PIK3CA: variants seen among roughly 807,000 people sequenced by gnomAD.
The protein encoded by PIK3CA is phosphatidylinositol 4,5-bisphosphate 3-kinase catalytic subunit alpha isoform.
Under a neutral mutation model 138.2 loss-of-function variants are expected in PIK3CA, and 27 were observed. That is an observed-to-expected ratio of 0.20 (90% CI 0.14 to 0.27). The LOEUF (loss-of-function observed/expected upper bound fraction) is 0.27, where lower values mean the gene tolerates loss of function less well. PIK3CA is among the 10% of genes least tolerant of loss of function. The probability of loss-of-function intolerance (pLI) is 1.00; values close to 1 mark genes in which losing one functional copy is unlikely to be tolerated. For synonymous variants in PIK3CA, 358 were observed against 413.2 expected (o/e 0.87, Z 1.62); for missense variants, 544 against 1,277.4 (o/e 0.43, Z 8.75).
chr3:179,211,524 G>A (rs113532641), intron 9 of PIK3CA, among the ~76,000 whole-genome samples: 5,187 of 152,204 alleles, frequency 0.034, 97 homozygotes, highest in Non-Finnish European at 0.046. Flanking sequence ...ACAAAAAGCC[G>A]GGTGTGGTGG....
chr3:179,209,564 T>C, intron 6 of PIK3CA, 31 bp from the exon 7 acceptor site: 2 of 1,296,122 alleles, frequency 1.5e-6, no homozygotes, highest in South Asian at 2.5e-5. Context: ...CTTTTCTTGA[T>C]GTATTATTTT....
intron 9 of PIK3CA, among the ~76,000 whole-genome samples, chr3:179,212,149 A>C (rs1724729367): frequency 6.6e-6 from 1 of 151,896 alleles, no homozygotes; most frequent in Non-Finnish European, 1.5e-5. Context: ...CTGGGATTAC[A>C]GGCATGCGCC....
chr3:179,180,644 C>T (rs1723817696), intron 1 of PIK3CA, among the ~76,000 whole-genome samples: 1 of 151,932 alleles, frequency 6.6e-6, no homozygotes, highest in Non-Finnish European at 1.5e-5. Flanking sequence ...ATGTTTTAAC[C>T]TTGGAGATTG....
chr3:179,158,244 T>G (rs1432750143), intron 1 of PIK3CA, among the ~76,000 whole-genome samples: 3 of 152,286 alleles, frequency 2.0e-5, no homozygotes, highest in Non-Finnish European at 4.4e-5. Flanking sequence ...TCTAGGAATC[T>G]GAATGCTATT....
At chr3:179,209,346 G>A (rs910878243) in intron 6 of PIK3CA, among the ~76,000 whole-genome samples, 2 of 151,962 alleles carry the variant, frequency 1.3e-5, no homozygotes, top group Non-Finnish European at 2.9e-5. Flanking sequence ...AGTCTTTATA[G>A]TTTAGCCATT....
chr3:179,230,033 G>A lies in PIK3CA; in HGVS notation c.2696G>A (p.Arg899His), dbSNP rs1725176691. Residue 899 changes from arginine (R) to histidine (H), a missense_variant, in exon 19 of 21, where the codon CGT becomes CAT. Physicochemically the swap from Arg to His is conservative, Grantham distance 29 (BLOSUM62 0). Coordinates refer to ENST00000263967, the MANE Select transcript of PIK3CA (RefSeq NM_006218.4). This position sits in a 1 kb window ranked among gnomAD's most constrained non-coding sequence, Gnocchi z 5.4. ...IYDAAIDLFTRSCAGYCVATF... is the reference protein window; with the variant it reads ...IYDAAIDLFTHSCAGYCVATF... ...GATGCAGCCATTGACCTGTTTACAC[G>A]TTCATGTGCTGGATACTGTGTAGCT... 2.5e-6 allele frequency: 4 copies of A among 1,612,926 alleles called. No individual in the cohort carries two copies. Among genetic ancestry groups the A allele is most frequent in the Admixed American group, 1.7e-5 (1 of 59,932 alleles).
At chr3:179,212,438 G>A (rs1036841985) in intron 9 of PIK3CA, among the ~76,000 whole-genome samples, 16 of 150,960 alleles carry the variant, frequency 1.1e-4, no homozygotes, top group East Asian at 2.1e-4. Flanking sequence ...GTGAAACCCC[G>A]TCTCTACTAA....
chr3:179,171,175 A>G (rs1416340776), intron 1 of PIK3CA, among the ~76,000 whole-genome samples: 1 of 152,166 alleles, frequency 6.6e-6, no homozygotes, highest in Non-Finnish European at 1.5e-5. Context: ...GTGCAAATGA[A>G]TACTATTTCT....
At chr3:179,224,059 A>C in intron 14 of PIK3CA, 22 bp from the exon 15 acceptor site, 2 of 1,322,382 alleles carry the variant, frequency 1.5e-6, no homozygotes, top group Non-Finnish European at 2.2e-6. Flanking sequence ...TCTTACTGTG[A>C]CTATCCTTTT....
rs1484059667 is a variant in PIK3CA, at chr3:179,238,527, C to G, written c.*4163C>G. ...AAAATAGATGAGTCACAATTCAATA[C>G]TTCAAGCTCAGAAACTGTGCAGATC... On this transcript the variant is annotated 3_prime_UTR_variant, in exon 21 of 21. Coordinates refer to ENST00000263967, the MANE Select transcript of PIK3CA (RefSeq NM_006218.4). The G allele has an allele frequency of 1.4e-5, 3 of 218,800 alleles. No individual in the cohort carries two copies. Among genetic ancestry groups the G allele is most frequent in the Non-Finnish European group, 2.8e-5 (3 of 108,930 alleles). 13.6% of individuals were successfully genotyped at this position (218,800 alleles called of 1,614,324 possible). A position where few individuals can be genotyped will look rare whatever the true frequency, so the allele number is the denominator to read the frequency against.
chr3:179,224,636 T>C (rs1234849483), intron 15 of PIK3CA, 64 bp from the exon 16 acceptor site: 1 of 1,100,610 alleles, frequency 9.1e-7, no homozygotes, highest in Non-Finnish European at 1.3e-6. Context: ...TATTTTAAAA[T>C]AAATTTCAGG....
chr3:179,218,214 A>G lies in PIK3CA; in HGVS notation c.1544A>G (p.Asn515Ser), dbSNP rs201371389. The G allele has an allele frequency of 9.4e-5, 149 of 1,593,048 alleles. No homozygotes were observed. Among genetic ancestry groups the G allele is most frequent in the Middle Eastern group, 3.3e-4 (2 of 5,992 alleles). The change falls in exon 10 of 21, where the codon AAC (asparagine) becomes AGC (serine). Residue 515 changes from asparagine (N) to serine (S), a missense_variant. Around this residue, in one of 14 missense-constraint regions of PIK3CA, gnomAD observed 52 missense variants for 83.4 expected, o/e 0.62. Transcript: ENST00000263967. The stretch of plus-strand genomic sequence containing the variant: ...AGATATTATTTTATTTTACAGAGTA[A>G]CAGACTAGCTAGAGACAATGAATTA... Reference protein sequence around the residue: ...GFSYSHAGLSNRLARDNELRE... With the variant: ...GFSYSHAGLSSRLARDNELRE...
At chr3:179,149,220 T>TAGATC (rs1172161231) in intron 1 of PIK3CA, among the ~76,000 whole-genome samples, 1 of 152,200 alleles carries the variant, frequency 6.6e-6, no homozygotes, top group Non-Finnish European at 1.5e-5. Context: ...GACAAACGCT[T>TAGATC]AGATCTTTCA....
In PIK3CA at chr3:179,210,522, C is replaced by G. The variant is rs1724682773; in HGVS notation, c.1496C>G (p.Ser499Cys). Reference protein sequence around the residue: ...MSVIEEHANWSVSREAGFSYS... With the variant: ...MSVIEEHANWCVSREAGFSYS... ...GTGATTGAAGAGCATGCCAATTGGTCTGTATCCCGAGAAGCAGGATTTAGC... is the reference window on the plus strand; with the variant it reads ...GTGATTGAAGAGCATGCCAATTGGTGTGTATCCCGAGAAGCAGGATTTAGC... The change falls in exon 9 of 21, where the codon TCT becomes TGT. Residue 499 changes from serine (S) to cysteine (C), a missense_variant. Around this residue, in one of 14 missense-constraint regions of PIK3CA, gnomAD observed 52 missense variants for 83.4 expected, o/e 0.62. Transcript: ENST00000263967. The G allele has an allele frequency of 6.2e-7, 1 of 1,613,954 alleles. No homozygotes were observed. The highest frequency in any genetic ancestry group is 8.5e-7 in the Non-Finnish European group (1 of 1,179,916).
chr3:179,172,502 A>T (rs1723584075), intron 1 of PIK3CA, among the ~76,000 whole-genome samples: 1 of 152,086 alleles, frequency 6.6e-6, no homozygotes, highest in African/African-American at 2.4e-5. Flanking sequence ...AAAAAAAAAA[A>T]ATACTAGAAC....
chr3:179,192,264 G>GA (rs1369492518), intron 1 of PIK3CA, among the ~76,000 whole-genome samples: 3 of 152,204 alleles, frequency 2.0e-5, no homozygotes, highest in African/African-American at 7.2e-5. Flanking sequence ...AGACCCAGGG[G>GA]AAATTCTAAT....
intron 1 of PIK3CA, among the ~76,000 whole-genome samples, chr3:179,170,099 C>CACACACAT (rs55780144): frequency 6.6e-6 from 1 of 151,678 alleles, no homozygotes; most frequent in African/African-American, 2.4e-5. Context: ...CACACACACA[C>CACACACAT]GACCTTAGTA....
chr3:179,220,425 C>G lies in PIK3CA; in HGVS notation c.2015+373C>G, dbSNP rs558136091. Among the ~76,000 whole-genome samples, 1 of 152,028 alleles carries G rather than the reference C, an allele frequency of 6.6e-6. No individual in the cohort carries two copies. Among genetic ancestry groups the G allele is most frequent in the African/African-American group, 2.4e-5 (1 of 41,412 alleles). On this transcript the variant is annotated intron_variant, in intron 13 of 20. Coordinates refer to ENST00000263967, the MANE Select transcript of PIK3CA (RefSeq NM_006218.4). This position sits in a 1 kb window ranked among gnomAD's most constrained non-coding sequence, Gnocchi z 4.1. Reference sequence around the variant, plus strand: ...GAAATTCAGAACAATGTCAAACTCCCGTGGTTCTTACTGAAAAACAAGCTA... The same window carrying G: ...GAAATTCAGAACAATGTCAAACTCCGGTGGTTCTTACTGAAAAACAAGCTA...
intron 1 of PIK3CA, among the ~76,000 whole-genome samples, chr3:179,197,510 A>G (rs544467704): frequency 6.6e-6 from 1 of 152,316 alleles, no homozygotes; most frequent in South Asian, 2.1e-4. Flanking sequence ...CATAATCTTC[A>G]TATTCTTTGC....
Sources: gnomAD v4.1 joint callset for allele counts (sites outside exome capture counted in the v4.1 genomes callset) on GRCh38, gnomAD v4.1.1 for gene constraint, gnomAD v4.1.1 regional missense constraint, Gnocchi (gnomAD v3.1) non-coding constraint, MANE v1.5 for transcripts, NCBI Gene and HGNC (gene_info 2026-07-23, HGNC 2026-07-21) for gene names.